HTR1F: variants seen among roughly 807,000 people sequenced by gnomAD.
HTR1F encodes 5-hydroxytryptamine (serotonin) receptor 1F, G protein-coupled.
HTR1F carries 17 observed loss-of-function variants against 24.0 expected under a neutral mutation model. The ratio of observed to expected loss-of-function variants is 0.71; its 90% CI spans 0.48 to 1.06. HTR1F has a LOEUF of 1.06. HTR1F is among the 50% of genes least tolerant of loss of function. HTR1F has a pLI of 0.00. For synonymous variants in HTR1F, 186 were observed against 156.8 expected (o/e 1.19, Z -1.39); for missense variants, 391 against 427.8 (o/e 0.91, Z 0.76).
At chr3:87,873,129 C>CAGAGAGAG (rs1430122473) in intron 2 of HTR1F, among the ~76,000 whole-genome samples, 3 of 111,916 alleles carry the variant, frequency 2.7e-5, no homozygotes, top group African/African-American at 9.6e-5. Context: ...CACACACACA[C>CAGAGAGAG]ACACAGAGAG....
chr3:87,982,480 T>C (rs1705566063), intron 2 of HTR1F, among the ~76,000 whole-genome samples: 1 of 152,160 alleles, frequency 6.6e-6, no homozygotes, highest in Non-Finnish European at 1.5e-5. Context: ...CTATACTAAC[T>C]TGGACTAAAA....
At chr3:87,976,084 T>C (rs999787847) in intron 2 of HTR1F, among the ~76,000 whole-genome samples, 1 of 152,148 alleles carries the variant, frequency 6.6e-6, no homozygotes, top group African/African-American at 2.4e-5. Context: ...CTACCTGATG[T>C]AAAATGTACT....
At chr3:87,813,883 G>A (rs1255858983) in intron 1 of HTR1F, among the ~76,000 whole-genome samples, 1 of 151,832 alleles carries the variant, frequency 6.6e-6, no homozygotes, top group Non-Finnish European at 1.5e-5. Flanking sequence ...GTTTCCTGAG[G>A]CCTCCCCAGC....
intron 2 of HTR1F, among the ~76,000 whole-genome samples, chr3:87,982,514 A>G (rs1705566991): frequency 6.6e-6 from 1 of 152,076 alleles, no homozygotes; most frequent in African/African-American, 2.4e-5. Context: ...AAATGAAAAG[A>G]CTTTCTGTAG....
chr3:87,888,423 A>C (rs888264336), intron 2 of HTR1F, among the ~76,000 whole-genome samples: 11 of 152,122 alleles, frequency 7.2e-5, no homozygotes, highest in African/African-American at 2.2e-4. Context: ...CCTAAATACC[A>C]AACCTGCACA....
chr3:87,938,918 G>A (rs1426657344), intron 2 of HTR1F, among the ~76,000 whole-genome samples: 6 of 152,052 alleles, frequency 3.9e-5, no homozygotes, highest in African/African-American at 7.2e-5. Flanking sequence ...CAATCACAAC[G>A]AAAGCAAAAA....
At position 87,931,026 on chromosome 3, in the gene HTR1F, C is replaced by CTTT. The variant is rs34617109; in HGVS notation, c.-42-59664_-42-59662dup. On this transcript the variant is annotated intron_variant, in intron 2 of 2. Transcript: ENST00000319595. The stretch of plus-strand genomic sequence containing the variant: ...ACAGCATACTGTGCCATAGTCTTTC[C>CTTT]TTTTTTTTTTTTTTTTTTTTACTTT... Among the ~76,000 whole-genome samples the CTTT allele has an allele frequency of 9.1e-5, 12 of 131,836 alleles. No homozygotes were observed. The East Asian group carries it at 1.6e-3, about 18-fold the overall frequency. 86.5% of individuals were successfully genotyped at this position (131,836 alleles called of 152,430 possible).
At chr3:87,933,000 C>A (rs1193500683) in intron 2 of HTR1F, among the ~76,000 whole-genome samples, 3 of 148,084 alleles carry the variant, frequency 2.0e-5, no homozygotes, top group Non-Finnish European at 4.5e-5. Flanking sequence ...AAAAGCTTAT[C>A]CACCATGATC....
In HTR1F at chr3:87,943,934, G is replaced by A. The variant is rs1253053035; in HGVS notation, c.-42-46774G>A. On this transcript the variant is annotated intron_variant, in intron 2 of 2. Transcript: ENST00000319595. The stretch of plus-strand genomic sequence containing the variant: ...GCCTTGGGGGGAACATTTCCCATCT[G>A]AAAAAAGAACATAGGGATGCCAGCA... Among the ~76,000 whole-genome samples the A allele has an allele frequency of 3.9e-5, 6 of 152,240 alleles. 1 individual carries two copies. Among genetic ancestry groups the A allele is most frequent in the Admixed American group, 3.3e-4 (5 of 15,290 alleles).
At chr3:87,801,467 A>C (rs1394763560) in intron 1 of HTR1F, among the ~76,000 whole-genome samples, 1 of 152,216 alleles carries the variant, frequency 6.6e-6, no homozygotes, top group African/African-American at 2.4e-5. Context: ...CATGTGCCCA[A>C]GGTGGTCGGG....
chr3:87,797,377 A>T (rs1199124968), intron 1 of HTR1F, among the ~76,000 whole-genome samples: 1 of 152,222 alleles, frequency 6.6e-6, no homozygotes, highest in Non-Finnish European at 1.5e-5. Flanking sequence ...ATATGTTAAA[A>T]TTAAAAGATC....
At chr3:87,918,487 C>T (rs1353205861) in intron 2 of HTR1F, among the ~76,000 whole-genome samples, 1 of 152,026 alleles carries the variant, frequency 6.6e-6, no homozygotes, top group Non-Finnish European at 1.5e-5. Flanking sequence ...AAAGACTGCT[C>T]CAGAAAGCTC....
intron 2 of HTR1F, among the ~76,000 whole-genome samples, chr3:87,921,324 TTC>T (rs1435409073): frequency 6.6e-6 from 1 of 151,992 alleles, no homozygotes; most frequent in East Asian, 1.9e-4. Context: ...AGAATTTAGT[TTC>T]TGTTTGATAT....
At chr3:87,934,686 A>G (rs759298566) in intron 2 of HTR1F, among the ~76,000 whole-genome samples, 2 of 152,096 alleles carry the variant, frequency 1.3e-5, no homozygotes, top group Non-Finnish European at 2.9e-5. Flanking sequence ...GCAAATCTTC[A>G]TTCCAGGATC....
intron 2 of HTR1F, among the ~76,000 whole-genome samples, chr3:87,876,101 TAAC>T (rs764756570): frequency 5.3e-5 from 8 of 152,074 alleles, no homozygotes; most frequent in Admixed American, 2.6e-4. Flanking sequence ...ACACATAAAA[TAAC>T]AAGTGTTGGG....
intron 2 of HTR1F, among the ~76,000 whole-genome samples, chr3:87,921,694 T>C (rs1034542529): frequency 6.6e-6 from 1 of 151,884 alleles, no homozygotes; most frequent in African/African-American, 2.4e-5. Context: ...TATTTTTTTA[T>C]TTGTTAACCA....
At chr3:87,839,494 C>T (rs574155783) in intron 2 of HTR1F, among the ~76,000 whole-genome samples, 148 of 152,172 alleles carry the variant, frequency 9.7e-4, no homozygotes, top group African/African-American at 3.4e-3. Context: ...TAGTGTGATG[C>T]TTCCTACTTC....
At chr3:87,821,250 T>G (rs1410154692) in intron 1 of HTR1F, among the ~76,000 whole-genome samples, 1 of 152,220 alleles carries the variant, frequency 6.6e-6, no homozygotes, top group Non-Finnish European at 1.5e-5. Context: ...CAGAAACCCA[T>G]AAGTTATATT....
intron 2 of HTR1F, among the ~76,000 whole-genome samples, chr3:87,951,731 T>TC (rs1704837945): frequency 6.6e-6 from 1 of 152,082 alleles, no homozygotes; most frequent in African/African-American, 2.4e-5. Flanking sequence ...GGCAAATATA[T>TC]AGTTATATGC....
Sources: gnomAD v4.1 joint callset for allele counts (sites outside exome capture counted in the v4.1 genomes callset) on GRCh38, gnomAD v4.1.1 for gene constraint, MANE v1.5 for transcripts, NCBI Gene and HGNC (gene_info 2026-07-23, HGNC 2026-07-21) for gene names.